The following RIMBP2 variants were observed in gnomAD, a reference collection of about 807,000 sequenced individuals.
The protein encoded by RIMBP2 is RIMS binding protein 2.
Under a neutral mutation model 118.6 loss-of-function variants are expected in RIMBP2, and 48 were observed. The ratio of observed to expected loss-of-function variants is 0.40; its 90% CI spans 0.32 to 0.51. The LOEUF is 0.51. Among genes scored for constraint, RIMBP2 ranks in the 20% least tolerant of loss-of-function variants. The probability of loss-of-function intolerance (pLI) is 0.41; values close to 1 mark genes in which losing one functional copy is unlikely to be tolerated. For synonymous variants in RIMBP2, 762 were observed against 742.9 expected, an observed-to-expected ratio of 1.03 and a Z score of -0.42; for missense variants, 1,551 against 1,768.3, an observed-to-expected ratio of 0.88 and a Z score of 2.20.
At chr12:130,521,410 G>A (rs1002013016) in intron 2 of RIMBP2, among the ~76,000 whole-genome samples, 2 of 152,180 alleles carry the variant, frequency 1.3e-5, no homozygotes, top group African/African-American at 4.8e-5. Flanking sequence ...CAGTTCCCAG[G>A]AGGAGGAAGA....
chr12:130,616,243 G>A (rs544853031), intron 2 of RIMBP2, among the ~76,000 whole-genome samples: 10 of 152,058 alleles, frequency 6.6e-5, no homozygotes, highest in South Asian at 2.1e-4. Context: ...TTCTGTCTCC[G>A]GTTCCCCGCT....
intron 1 of RIMBP2, among the ~76,000 whole-genome samples, chr12:130,686,567 C>A (rs1251226455): frequency 1.3e-5 from 2 of 152,260 alleles, no homozygotes; most frequent in Non-Finnish European, 2.9e-5. Flanking sequence ...GACAGCCCAT[C>A]GCTGTGCCAG....
Position 130,670,838 on chromosome 12 carries a change from A to G in RIMBP2, c.-351-42382T>C, listed in dbSNP as rs955229688. On this transcript the variant is annotated intron_variant, in intron 1 of 22. Transcript: ENST00000690449. The surrounding 1 kb of genome is among the most constrained non-coding windows in gnomAD (Gnocchi z 4.9). ...GCCCAGGCTGGAGTGCAGTGGCGCA[A>G]TCTCAGCTCACTGCAACCTCTGCCT... Among the ~76,000 whole-genome samples the G allele has an allele frequency of 5.3e-5, 8 of 152,118 alleles. No individual in the cohort carries two copies. The highest frequency in any genetic ancestry group is 7.4e-5 in the Non-Finnish European group (5 of 68,020).
intron 1 of RIMBP2, among the ~76,000 whole-genome samples, chr12:130,632,276 C>A (rs1365348677): frequency 6.6e-6 from 1 of 152,232 alleles, no homozygotes; most frequent in Non-Finnish European, 1.5e-5. Flanking sequence ...CTTACCTCCA[C>A]CAACACACAT....
At chr12:130,437,754 A>T (rs2077644216) in intron 12 of RIMBP2, among the ~76,000 whole-genome samples, 1 of 152,150 alleles carries the variant, frequency 6.6e-6, no homozygotes, top group Non-Finnish European at 1.5e-5. Flanking sequence ...AGAGCACAGG[A>T]GTCTGCAGGA....
rs138591524 is a variant in RIMBP2 at position 130,410,923 on chromosome 12, C to T, written c.3589+1696G>A. Reference sequence around the variant, plus strand: ...CCAGCACAGATTTCGAATGGTCTTGCACTGCATCTGTAGGCTCACTTGGGG... The same window carrying T: ...CCAGCACAGATTTCGAATGGTCTTGTACTGCATCTGTAGGCTCACTTGGGG... On this transcript the variant is annotated intron_variant, in intron 19 of 22. Transcript: ENST00000690449. 5.0e-3 allele frequency among the ~76,000 whole-genome samples: 754 copies of T among 152,310 alleles called. 8 individuals carry two copies. The highest frequency in any genetic ancestry group is 0.017 in the African/African-American group (713 of 41,568).
At chr12:130,661,134 G>A (rs975205047) in intron 1 of RIMBP2, among the ~76,000 whole-genome samples, 18 of 152,082 alleles carry the variant, frequency 1.2e-4, no homozygotes, top group African/African-American at 3.4e-4. Context: ...GCTGCCATTC[G>A]CAGTCTGTAT....
intron 1 of RIMBP2, among the ~76,000 whole-genome samples, chr12:130,685,966 C>A (rs75762401): frequency 0.032 from 4,939 of 152,270 alleles, 295 homozygotes; most frequent in African/African-American, 0.11. Flanking sequence ...CCAGAAGGCC[C>A]CCAGCATCCC....
At chr12:130,502,125 G>GCAGTCACCC (rs2049852953) in intron 4 of RIMBP2, among the ~76,000 whole-genome samples, 1 of 152,144 alleles carries the variant, frequency 6.6e-6, no homozygotes, top group Non-Finnish European at 1.5e-5. Context: ...AAGGAGCAAG[G>GCAGTCACCC]CAGTCACCCC....
chr12:130,609,494 C>T (rs2060383430), intron 2 of RIMBP2, among the ~76,000 whole-genome samples: 2 of 138,554 alleles, frequency 1.4e-5, no homozygotes, highest in African/African-American at 2.7e-5. Flanking sequence ...CTGGTGAGGT[C>T]GGGGGTCAGG....
intron 1 of RIMBP2, among the ~76,000 whole-genome samples, chr12:130,698,343 C>T (rs1228253567): frequency 6.6e-6 from 1 of 152,212 alleles, no homozygotes; most frequent in African/African-American, 2.4e-5. Flanking sequence ...CCTGCTACCG[C>T]TCCTAATGTC....
intron 2 of RIMBP2, among the ~76,000 whole-genome samples, chr12:130,618,679 A>C (rs180873686): frequency 6.6e-6 from 1 of 152,350 alleles, no homozygotes; most frequent in Admixed American, 6.5e-5. Flanking sequence ...GAAGTGATTC[A>C]GGCAAAATGC....
At chr12:130,631,565 T>C (rs2061995903) in intron 1 of RIMBP2, among the ~76,000 whole-genome samples, 1 of 151,772 alleles carries the variant, frequency 6.6e-6, no homozygotes, top group African/African-American at 2.4e-5. Context: ...AACAGAAGTG[T>C]CTCCCAACGC....
At chr12:130,711,069 C>A (rs1428190974) in intron 1 of RIMBP2, among the ~76,000 whole-genome samples, 1 of 152,222 alleles carries the variant, frequency 6.6e-6, no homozygotes, top group African/African-American at 2.4e-5. Flanking sequence ...ATGGCGTAAT[C>A]CCATCTCTAT....
chr12:130,468,697 C>T (rs894421857), intron 6 of RIMBP2, among the ~76,000 whole-genome samples: 2 of 152,140 alleles, frequency 1.3e-5, no homozygotes, highest in East Asian at 1.9e-4. Context: ...GAGGCTCAGG[C>T]GTGCAGCTTG....
At chr12:130,629,958 C>G (rs1187280110) in intron 1 of RIMBP2, among the ~76,000 whole-genome samples, 1 of 129,278 alleles carries the variant, frequency 7.7e-6, no homozygotes, top group Non-Finnish European at 1.6e-5. Context: ...GATCATCCAG[C>G]CAACCAATCA....
chr12:130,561,613 C>T (rs546017967), intron 2 of RIMBP2, among the ~76,000 whole-genome samples: 4 of 152,226 alleles, frequency 2.6e-5, no homozygotes, highest in East Asian at 1.9e-4. Flanking sequence ...ATACAGAATA[C>T]GGATATGTTT....
At chr12:130,640,816 C>T (rs756806448) in intron 1 of RIMBP2, among the ~76,000 whole-genome samples, 1 of 152,198 alleles carries the variant, frequency 6.6e-6, no homozygotes, top group Non-Finnish European at 1.5e-5. Context: ...CAACACAGAC[C>T]AAGGGGAGAG....
rs111806180 is a variant in RIMBP2, at chr12:130,703,817, CAG to C, written c.-352+12403_-352+12404del. Among the ~76,000 whole-genome samples the C allele has an allele frequency of 3.5e-5, 5 of 142,062 alleles. No homozygotes were observed. Among genetic ancestry groups the C allele is most frequent in the Non-Finnish European group, 3.0e-5 (2 of 65,712 alleles). 93.2% of individuals were successfully genotyped at this position (142,062 alleles called of 152,430 possible). ...CCACAATTGAACAGCTTAGGAAATA[CAG>C]AGAGAGAGAGAGAGATCGATCTAGA... is the stretch of plus-strand genomic sequence containing the variant. On this transcript the variant is annotated intron_variant, in intron 1 of 22. Coordinates refer to ENST00000690449, the MANE Select transcript of RIMBP2 (RefSeq NM_001393629.1). The surrounding 1 kb of genome is among the most constrained non-coding windows in gnomAD (Gnocchi z 5.7).
Sources: allele counts gnomAD v4.1 joint callset (sites outside exome capture counted in the v4.1 genomes callset), GRCh38; gene constraint gnomAD v4.1.1; non-coding constraint Gnocchi (gnomAD v3.1); transcripts MANE v1.5; gene names NCBI Gene and HGNC (gene_info 2026-07-23, HGNC 2026-07-21).